The following ADAMTSL1 variants were observed in gnomAD, a reference collection of about 807,000 sequenced individuals.
ADAMTSL1 encodes the protein ADAMTS like 1.
A neutral mutation model predicts 201.8 loss-of-function variants in ADAMTSL1; 126 were observed. The observed-to-expected ratio is 0.62, with a 90% confidence interval of 0.54 to 0.72. The LOEUF is 0.72. ADAMTSL1 is among the 30% of genes least tolerant of loss of function. The pLI, the probability that ADAMTSL1 is intolerant of heterozygous loss-of-function variation, is 0.00. For missense variants in ADAMTSL1, 2,679 were observed against 2,277.8 expected (o/e 1.18, Z -3.59); for synonymous variants, 1,121 against 903.4 (o/e 1.24, Z -4.32).
chr9:18,680,355 G>C lies in ADAMTSL1; in HGVS notation c.1180G>C (p.Gly394Arg), dbSNP rs779193184. 6.2e-7 allele frequency: 1 copy of C among 1,614,178 alleles called. No homozygotes were observed. Among genetic ancestry groups the C allele is most frequent in the South Asian group, 1.1e-5 (1 of 91,080 alleles). The change falls in exon 11 of 29, where the codon GGG becomes CGG. Residue 394 changes from glycine (G) to arginine (R), a missense_variant. Transcript: ENST00000380548. ...PWTACSSSCG[G>R]GIQSRAVSCV... is the part of the protein sequence containing the mutation. ...GACCGCGTGCTCCTCCTCGTGTGGGGGGGGCATCCAGAGCCGGGCAGTTTC... is the reference window on the plus strand; with the variant it reads ...GACCGCGTGCTCCTCCTCGTGTGGGCGGGGCATCCAGAGCCGGGCAGTTTC...
chr9:18,875,086 G>A (rs1015710094), intron 23 of ADAMTSL1, among the ~76,000 whole-genome samples: 1 of 151,992 alleles, frequency 6.6e-6, no homozygotes, highest in Non-Finnish European at 1.5e-5. Flanking sequence ...ATGATCTTTT[G>A]TATTTCTGTG....
At chr9:18,506,842 T>G (rs1212988604) in intron 2 of ADAMTSL1, among the ~76,000 whole-genome samples, 1 of 152,156 alleles carries the variant, frequency 6.6e-6, no homozygotes, top group Non-Finnish European at 1.5e-5. Flanking sequence ...TGACTACCCA[T>G]TCTTTAGGAA....
chr9:18,538,931 T>C (rs150555013), intron 3 of ADAMTSL1, among the ~76,000 whole-genome samples: 154 of 152,238 alleles, frequency 1.0e-3, no homozygotes, highest in African/African-American at 3.5e-3. Context: ...TGAAACAACA[T>C]TCAGACCAGA....
chr9:18,102,909 G>GA (rs1465370798), intron 1 of ADAMTSL1, among the ~76,000 whole-genome samples: 1 of 152,156 alleles, frequency 6.6e-6, no homozygotes, highest in African/African-American at 2.4e-5. Flanking sequence ...GTCAGAGAGG[G>GA]AAAAAAATCC....
chr9:18,890,114 G>T (rs543413732), intron 25 of ADAMTSL1, among the ~76,000 whole-genome samples: 2 of 152,096 alleles, frequency 1.3e-5, no homozygotes, highest in African/African-American at 4.8e-5. Flanking sequence ...CTTTTCAATC[G>T]AAGGGCTGAG....
At chr9:18,529,055 A>C (rs149937344) in intron 2 of ADAMTSL1, among the ~76,000 whole-genome samples, 1 of 152,224 alleles carries the variant, frequency 6.6e-6, no homozygotes, top group African/African-American at 2.4e-5. Context: ...CCTTGGATGA[A>C]AAAATTCACA....
At chr9:18,061,662 A>G (rs181461894) in intron 1 of ADAMTSL1, among the ~76,000 whole-genome samples, 17 of 152,346 alleles carry the variant, frequency 1.1e-4, no homozygotes, top group Middle Eastern at 3.4e-3. Context: ...TATGTGCAGT[A>G]TAAATATAGC....
chr9:18,633,638 C>CTT (rs58807960), intron 5 of ADAMTSL1, among the ~76,000 whole-genome samples: 1,549 of 123,760 alleles, frequency 0.013, 25 homozygotes, highest in East Asian at 0.044. Flanking sequence ...CTAATCTTAA[C>CTT]TTTTTTTTTT....
At chr9:18,862,500 G>C (rs1359017172) in intron 23 of ADAMTSL1, among the ~76,000 whole-genome samples, 1 of 152,160 alleles carries the variant, frequency 6.6e-6, no homozygotes, top group African/African-American at 2.4e-5. Flanking sequence ...CAGAGCAGTA[G>C]CACCTTGATT....
chr9:18,494,052 G>A (rs994662357), intron 1 of ADAMTSL1, among the ~76,000 whole-genome samples: 1 of 152,140 alleles, frequency 6.6e-6, no homozygotes, highest in Non-Finnish European at 1.5e-5. Flanking sequence ...TCAAGTCCTA[G>A]CAATATGCTC....
chr9:18,667,886 A>G (rs1331511642), intron 9 of ADAMTSL1, among the ~76,000 whole-genome samples: 1 of 152,210 alleles, frequency 6.6e-6, no homozygotes, highest in Non-Finnish European at 1.5e-5. Flanking sequence ...AATCACATTT[A>G]TCAGATTTTT....
intron 1 of ADAMTSL1, among the ~76,000 whole-genome samples, chr9:17,983,253 T>C (rs777202325): frequency 2.0e-5 from 3 of 151,682 alleles, no homozygotes; most frequent in Non-Finnish European, 4.4e-5. Flanking sequence ...GTATTTTTAG[T>C]AGGGATGGGG....
chr9:18,463,908 A>G (rs1328963303), intron 2 of ADAMTSL1, among the ~76,000 whole-genome samples: 3 of 152,206 alleles, frequency 2.0e-5, no homozygotes, highest in East Asian at 1.9e-4. Flanking sequence ...TGGCAATTCT[A>G]TGTTTAATTT....
chr9:18,757,298 C>T (rs1354428401), intron 16 of ADAMTSL1, among the ~76,000 whole-genome samples: 1 of 152,066 alleles, frequency 6.6e-6, no homozygotes, highest in Non-Finnish European at 1.5e-5. Flanking sequence ...CACTCATCAT[C>T]ATCCTCCTCC....
chr9:18,837,612 C>T (rs144525154), intron 23 of ADAMTSL1, among the ~76,000 whole-genome samples: 5 of 152,218 alleles, frequency 3.3e-5, no homozygotes, highest in Admixed American at 6.5e-5. Context: ...GCCACCAATA[C>T]GCATTCTGCG....
At chr9:18,636,415 C>G (rs1827116488) in intron 6 of ADAMTSL1, among the ~76,000 whole-genome samples, 1 of 152,078 alleles carries the variant, frequency 6.6e-6, no homozygotes, top group South Asian at 2.1e-4. Flanking sequence ...TTTCTACCTA[C>G]TTTCATGTTT....
chr9:18,456,955 G>C (rs10810970), intron 2 of ADAMTSL1, among the ~76,000 whole-genome samples: 102,323 of 152,052 alleles, frequency 0.67, 34,540 homozygotes, highest in Non-Finnish European at 0.7. Flanking sequence ...GAGATCTTAC[G>C]TGGCTATCTC....
At chr9:18,428,697 T>C (rs966443311) in intron 2 of ADAMTSL1, among the ~76,000 whole-genome samples, 1 of 152,218 alleles carries the variant, frequency 6.6e-6, no homozygotes, top group Admixed American at 6.5e-5. Context: ...GTGCTACATA[T>C]AAAAATGAGG....
chr9:18,679,084 G>A (rs1004989109), intron 10 of ADAMTSL1, among the ~76,000 whole-genome samples: 1 of 152,144 alleles, frequency 6.6e-6, no homozygotes, highest in Admixed American at 6.5e-5. Flanking sequence ...CAGAGAAAAT[G>A]TGAAGGAAAA....
Sources: gnomAD v4.1 joint callset for allele counts (sites outside exome capture counted in the v4.1 genomes callset) on GRCh38, gnomAD v4.1.1 for gene constraint, MANE v1.5 for transcripts, NCBI Gene and HGNC (gene_info 2026-07-23, HGNC 2026-07-21) for gene names.